DSCAML1: variants seen among roughly 807,000 people sequenced by gnomAD.
The protein encoded by DSCAML1 is DS cell adhesion molecule like 1.
A neutral mutation model predicts 200.5 loss-of-function variants in DSCAML1; 38 were observed. The ratio of observed to expected loss-of-function variants is 0.19; its 90% confidence interval spans 0.15 to 0.25. The LOEUF is 0.25. DSCAML1 is among the 10% of genes least tolerant of loss of function. DSCAML1 has a pLI of 1.00. For missense variants in DSCAML1, 2,223 were observed against 2,858.8 expected (o/e 0.78, Z 5.07); for synonymous variants, 1,215 against 1,165.0 (o/e 1.04, Z -0.87).
intron 3 of DSCAML1, among the ~76,000 whole-genome samples, chr11:117,768,143 G>A (rs1183433316): frequency 6.6e-6 from 1 of 152,110 alleles, no homozygotes; most frequent in Non-Finnish European, 1.5e-5. Context: ...TTAAGCACTT[G>A]GAGCAAATTA....
chr11:117,547,467 T>C (rs929023864), intron 3 of DSCAML1, among the ~76,000 whole-genome samples: 1 of 145,840 alleles, frequency 6.9e-6, no homozygotes, highest in Non-Finnish European at 1.5e-5. Context: ...GCTCCTGCCC[T>C]GAAGGACCGC....
At chr11:117,483,765 T>C (rs1188086531) in intron 11 of DSCAML1, among the ~76,000 whole-genome samples, 4 of 152,178 alleles carry the variant, frequency 2.6e-5, no homozygotes, top group African/African-American at 9.7e-5. Context: ...GAGACTACCC[T>C]TGTCCTTTTC....
intron 3 of DSCAML1, among the ~76,000 whole-genome samples, chr11:117,665,837 A>G (rs1215593391): frequency 2.0e-5 from 3 of 152,194 alleles, no homozygotes; most frequent in Non-Finnish European, 4.4e-5. Flanking sequence ...TAGGTTGGCA[A>G]AGAGTCAAAA....
At chr11:117,789,327 G>C (rs528773409) in intron 1 of DSCAML1, among the ~76,000 whole-genome samples, 1 of 152,190 alleles carries the variant, frequency 6.6e-6, no homozygotes, top group Non-Finnish European at 1.5e-5. Context: ...GTCAAAGGAA[G>C]GTCCCTTATG....
chr11:117,706,098 A>C (rs1428983041), intron 3 of DSCAML1, among the ~76,000 whole-genome samples: 1 of 152,102 alleles, frequency 6.6e-6, no homozygotes, highest in East Asian at 1.9e-4. Flanking sequence ...CAGGGAATAA[A>C]GGGCCCTCAA....
chr11:117,528,121 C>T (rs2050010723), intron 4 of DSCAML1, among the ~76,000 whole-genome samples: 1 of 152,210 alleles, frequency 6.6e-6, no homozygotes, highest in African/African-American at 2.4e-5. Flanking sequence ...CAATTACTAT[C>T]TAGAGCTCAT....
chr11:117,465,694 C>T (rs529875706), intron 16 of DSCAML1, among the ~76,000 whole-genome samples: 25 of 152,230 alleles, frequency 1.6e-4, no homozygotes, highest in African/African-American at 5.8e-4. Flanking sequence ...CTGTCGCACT[C>T]TCCGTGTCTA....
rs1374875514 is a variant in DSCAML1, at chr11:117,437,282, C to T, written c.4560G>A (p.Lys1520=). The T allele has an allele frequency of 8.7e-6, 14 of 1,614,250 alleles. No individual in the cohort carries two copies. Among genetic ancestry groups the T allele is most frequent in the Non-Finnish European group, 1.1e-5 (13 of 1,180,054 alleles). Reference sequence around the variant, plus strand: ...GGAGGCCCTGCCAGGCCCAGGTCCCCTTGGGCCGGTACTCCAGAACGATGG... The same window carrying T: ...GGAGGCCCTGCCAGGCCCAGGTCCCTTTGGGCCGGTACTCCAGAACGATGG... ...ITAIVLEYRP[K]GTWAWQGLRA... The change falls in exon 26 of 33, where the codon AAG becomes AAA. Residue 1520 remains lysine, a synonymous_variant. Transcript: ENST00000651296. This position sits in a 1 kb window ranked among gnomAD's most constrained non-coding sequence, Gnocchi z 5.3.
At chr11:117,799,011 T>A (rs2055631988), upstream of DSCAML1, among the ~76,000 whole-genome samples, 1 of 152,142 alleles carries the variant, frequency 6.6e-6, no homozygotes, top group African/African-American at 2.4e-5. Context: ...GTGTTTGAGA[T>A]GACCCAGACC....
At chr11:117,603,819 G>T (rs1031514390) in intron 3 of DSCAML1, among the ~76,000 whole-genome samples, 3 of 152,190 alleles carry the variant, frequency 2.0e-5, no homozygotes, top group Admixed American at 6.5e-5. Context: ...TGATCTTGAA[G>T]ATCAAGATAT....
chr11:117,562,324 A>C (rs888939060), intron 3 of DSCAML1, among the ~76,000 whole-genome samples: 15 of 152,080 alleles, frequency 9.9e-5, no homozygotes, highest in African/African-American at 3.6e-4. Flanking sequence ...ACACACAACA[A>C]CACCCCCTCT....
intron 1 of DSCAML1, among the ~76,000 whole-genome samples, chr11:117,814,621 C>A (rs1308294878): frequency 6.6e-6 from 1 of 152,228 alleles, no homozygotes; most frequent in Non-Finnish European, 1.5e-5. Flanking sequence ...GGGTGAGGCA[C>A]TGGGATCGGT....
At chr11:117,653,011 T>C (rs2052663933) in intron 3 of DSCAML1, among the ~76,000 whole-genome samples, 2 of 152,134 alleles carry the variant, frequency 1.3e-5, no homozygotes, top group Non-Finnish European at 2.9e-5. Context: ...TTACTTAACT[T>C]TGGGAGATGA....
At chr11:117,726,386 TTTG>T (rs966102952) in intron 3 of DSCAML1, among the ~76,000 whole-genome samples, 3 of 151,986 alleles carry the variant, frequency 2.0e-5, no homozygotes, top group Admixed American at 6.6e-5. Flanking sequence ...CTTGGGGCAA[TTTG>T]TTGTTGTTAG....
chr11:117,747,947 A>G (rs1171505026), intron 3 of DSCAML1, among the ~76,000 whole-genome samples: 2 of 152,140 alleles, frequency 1.3e-5, no homozygotes, highest in African/African-American at 4.8e-5. Flanking sequence ...AGTAAGGAGA[A>G]GAGTCTTGGA....
At position 117,531,049 on chromosome 11, in the gene DSCAML1, G is replaced by A. The variant is rs140032106; in HGVS notation, c.658+1327C>T. Among the ~76,000 whole-genome samples, 101 of 152,286 alleles carry A rather than the reference G, an allele frequency of 6.6e-4. 1 individual carries two copies. In the East Asian group the frequency reaches 0.016, roughly 24 times the overall value. On this transcript the variant is annotated intron_variant, in intron 4 of 32. Coordinates refer to ENST00000651296, the MANE Select transcript of DSCAML1 (RefSeq NM_020693.4). ...AGAAAATTCCAGAGCGCCTTGCAAC[G>A]AGCATGGTAGAAAATGCCAGTGTGC...
At chr11:117,717,860 C>T (rs931816343) in intron 3 of DSCAML1, among the ~76,000 whole-genome samples, 2 of 152,126 alleles carry the variant, frequency 1.3e-5, no homozygotes, top group African/African-American at 2.4e-5. Context: ...TTTGGCCCAG[C>T]GAGGCAATGC....
chr11:117,503,831 G>A lies in DSCAML1; in HGVS notation c.2359+14C>T, dbSNP rs373253564. 15 of 1,611,436 alleles carry A rather than the reference G, an allele frequency of 9.3e-6. No individual in the cohort carries two copies. In the African/African-American group the frequency reaches 1.9e-4, roughly 20 times the overall value. On this transcript the variant is annotated intron_variant, in intron 11 of 32. Transcript: ENST00000651296. This position sits in a 1 kb window ranked among gnomAD's most constrained non-coding sequence, Gnocchi z 5.2. ...ATTTGGGGGTGCTAGGGGGCGTGTGGGGACAGGACTCACTCTTGACTGTGA... is the reference window on the plus strand; with the variant it reads ...ATTTGGGGGTGCTAGGGGGCGTGTGAGGACAGGACTCACTCTTGACTGTGA...
Position 117,430,986 on chromosome 11 carries a change from AG to A in DSCAML1, c.5421del (p.Tyr1808ThrfsTer37). On this transcript the variant is annotated frameshift_variant, in exon 32 of 33. Transcript: ENST00000651296. LOFTEE classifies it high-confidence loss of function. Reference protein sequence around the residue: ...SMVSTESASSTYEELARAYEH... With the variant: ...SMVSTESASSXYEELARAYEH... ...TCATAGGCCCGGGCCAGCTCCTCGT[AG>A]GTGGAAGAGGCACTCTCAGTGGACA... 1 of 1,614,006 alleles carries A rather than the reference AG, an allele frequency of 6.2e-7. No homozygotes were observed. Among genetic ancestry groups the A allele is most frequent in the Non-Finnish European group, 8.5e-7 (1 of 1,180,002 alleles).
Sources: gnomAD v4.1 joint callset for allele counts (sites outside exome capture counted in the v4.1 genomes callset) on GRCh38, gnomAD v4.1.1 for gene constraint, Gnocchi (gnomAD v3.1) non-coding constraint, MANE v1.5 for transcripts, NCBI Gene and HGNC (gene_info 2026-07-23, HGNC 2026-07-21) for gene names.